Variants in PDCD11 observed in about 807,000 individuals in gnomAD.
PDCD11 encodes the protein programmed cell death 11, also known as protein RRP5 homolog.
A neutral mutation model predicts 198.9 loss-of-function variants in PDCD11; 97 were observed. The observed-to-expected ratio is 0.49, with a 90% confidence interval of 0.41 to 0.58. PDCD11 has a LOEUF of 0.58. Among genes scored for constraint, PDCD11 ranks in the 20% least tolerant of loss-of-function variants. PDCD11 has a pLI of 0.00. For missense variants in PDCD11, 2,102 were observed against 2,312.7 expected (o/e 0.91, Z 1.87); for synonymous variants, 893 against 918.0 (o/e 0.97, Z 0.49).
rs751777005 is a variant in PDCD11, at chr10:103,418,544, C to T, written c.2016C>T (p.His672=). The T allele has an allele frequency of 1.2e-5, 19 of 1,614,052 alleles. No homozygotes were observed. Among genetic ancestry groups the T allele is most frequent in the African/African-American group, 4.0e-5 (3 of 74,926 alleles). Residue 672 remains histidine (H), a synonymous_variant, in exon 15 of 36, where the codon CAC becomes CAT. Transcript: ENST00000369797. ...AFLPTSHLSD[H]VANGPLLHHW... is the part of the protein sequence containing the mutation. ...TCCCCACATCTCATCTGTCGGACCA[C>T]GTTGCCAACGGCCCATTGTTACATC...
At chr10:103,424,466 G>A (rs1304102224) in intron 19 of PDCD11, among the ~76,000 whole-genome samples, 1 of 152,174 alleles carries the variant, frequency 6.6e-6, no homozygotes, top group Non-Finnish European at 1.5e-5. Context: ...ATCACCTAAG[G>A]GAAGCTTGGG....
chr10:103,440,253 T>C (rs2032322041), intron 28 of PDCD11, 37 bp from the exon 29 acceptor site: 33 of 1,573,838 alleles, frequency 2.1e-5, no homozygotes, highest in Non-Finnish European at 2.8e-5. Flanking sequence ...CTCTGCTTTT[T>C]ATGATGTCTT....
At position 103,443,243 on chromosome 10, in the gene PDCD11, C is replaced by T; in HGVS notation, c.5034C>T (p.Thr1678=). The stretch of plus-strand genomic sequence containing the variant: ...TGTACGGCTCTCAGGAGTCCCTGAC[C>T]AAGGTCTTTGAGCGAGCCGTGCAGT... ...ENMYGSQESL[T]KVFERAVQYN... is the part of the protein sequence containing the mutation. The change falls in exon 33 of 36, where the codon ACC becomes ACT. Residue 1678 remains threonine (T), a synonymous_variant. Transcript: ENST00000369797. 1 of 1,612,920 alleles carries T rather than the reference C, an allele frequency of 6.2e-7. No homozygotes were observed. The highest frequency in any genetic ancestry group is 8.5e-7 in the Non-Finnish European group (1 of 1,179,032).
Position 103,432,120 on chromosome 10 carries a change from T to C in PDCD11, c.3369-9T>C. 6.2e-7 allele frequency: 1 copy of C among 1,605,104 alleles called. No homozygotes were observed. Among genetic ancestry groups the C allele is most frequent in the South Asian group, 1.1e-5 (1 of 90,894 alleles). The stretch of plus-strand genomic sequence containing the variant: ...GGGTTTACTGTTTACATTTCCTTTC[T>C]GCAAACAGTGAGCTGGAGGATGGCC... On this transcript the variant is annotated splice_polypyrimidine_tract_variant and intron_variant, in intron 21 of 35. Coordinates refer to ENST00000369797, the MANE Select transcript of PDCD11 (RefSeq NM_014976.2).
At chr10:103,416,370 AAGCTAT>A in intron 12 of PDCD11, 115 bp from the exon 13 acceptor site, 1 of 904,234 alleles carries the variant, frequency 1.1e-6, no homozygotes, top group Non-Finnish European at 1.7e-6. Context: ...ATTAGAGGAA[AAGCTAT>A]AGCAGGTTCT....
At chr10:103,429,111 C>T (rs61871171) in intron 21 of PDCD11, among the ~76,000 whole-genome samples, 1,682 of 152,244 alleles carry the variant, frequency 0.011, 17 homozygotes, top group Non-Finnish European at 0.013. Context: ...ATGGGGATCT[C>T]GTTCACAAAG....
intron 8 of PDCD11, among the ~76,000 whole-genome samples, chr10:103,411,262 T>C (rs1185717035): frequency 6.6e-6 from 1 of 152,116 alleles, no homozygotes; most frequent in African/African-American, 2.4e-5. Flanking sequence ...ACATGGATAT[T>C]TGGGAAGAAA....
Position 103,417,927 on chromosome 10 carries a change from G to C in PDCD11, c.1906G>C (p.Gly636Arg). 6.2e-7 allele frequency: 1 copy of C among 1,614,094 alleles called. No individual in the cohort carries two copies. Among genetic ancestry groups the C allele is most frequent in the East Asian group, 2.2e-5 (1 of 44,892 alleles). ...SQKKGKAINI[G>R]QLVDVKVLEK... ...GAAGAAAGGAAAAGCCATTAACATT[G>C]GGCAGGTACGTGGACTTCTCTGGAC... Residue 636 changes from glycine to arginine, a missense_variant, in exon 14 of 36, where the codon GGG becomes CGG. Transcript: ENST00000369797.
In PDCD11 at chr10:103,403,183, T is replaced by C; in HGVS notation, c.300T>C (p.Ile100=). Residue 100 remains isoleucine (I), a synonymous_variant, in exon 4 of 36, where the codon ATT becomes ATC. Transcript: ENST00000369797. ...VKEVNELELV[I]SLPNGLQGFV... ...AGGTGAATGAACTGGAACTGGTGATTAGTCTCCCCAATGGCCTCCAGGGCT... is the reference window on the plus strand; with the variant it reads ...AGGTGAATGAACTGGAACTGGTGATCAGTCTCCCCAATGGCCTCCAGGGCT... 1 of 1,614,106 alleles carries C rather than the reference T, an allele frequency of 6.2e-7. No homozygotes were observed. The highest frequency in any genetic ancestry group is 8.5e-7 in the Non-Finnish European group (1 of 1,179,946).
At chr10:103,402,348 C>T (rs950438964) in intron 3 of PDCD11, among the ~76,000 whole-genome samples, 29 of 152,144 alleles carry the variant, frequency 1.9e-4, no homozygotes, top group African/African-American at 6.0e-4. Flanking sequence ...TTACAGTGCT[C>T]GGTCAGATAT....
At chr10:103,397,868 T>A (rs1034017757) in intron 1 of PDCD11, among the ~76,000 whole-genome samples, 6 of 152,238 alleles carry the variant, frequency 3.9e-5, no homozygotes, top group African/African-American at 1.4e-4. Context: ...AATAATAGGC[T>A]TTTCCCATCC....
Position 103,403,244 on chromosome 10 carries a change from A to G in PDCD11, c.361A>G (p.Lys121Glu). 6.2e-7 allele frequency: 1 copy of G among 1,614,068 alleles called. No homozygotes were observed. Among genetic ancestry groups the G allele is most frequent in the Admixed American group, 1.7e-5 (1 of 60,000 alleles). ...QVTEICDAYT[K>E]KLNEQVTQEQ... ...CACTGAAATCTGTGATGCCTACACC[A>G]AAAAGCTGAATGAGCAGGTGACACA... The change falls in exon 4 of 36, where the codon AAA becomes GAA. Residue 121 changes from lysine to glutamate, a missense_variant. Transcript: ENST00000369797.
rs764226475 is a variant in PDCD11 at position 103,434,270 on chromosome 10, A to G, written c.3587A>G (p.Lys1196Arg). 2 of 1,613,402 alleles carry G rather than the reference A, an allele frequency of 1.2e-6. No individual in the cohort carries two copies. The highest frequency in any genetic ancestry group is 3.3e-5 in the Admixed American group (2 of 60,026). ...SFKVLKHPDK[K>R]FRVGQALRAT... Reference sequence around the variant, plus strand: ...CAGGTTCTGAAGCATCCAGATAAGAAGTTCCGGGTTGGCCAGGCCCTGAGG... The same window carrying G: ...CAGGTTCTGAAGCATCCAGATAAGAGGTTCCGGGTTGGCCAGGCCCTGAGG... The change falls in exon 24 of 36, where the codon AAG (lysine) becomes AGG (arginine). Residue 1196 changes from lysine (K) to arginine (R), a missense_variant. Lys to Arg is a conservative substitution (Grantham distance 26). Coordinates refer to ENST00000369797, the MANE Select transcript of PDCD11 (RefSeq NM_014976.2).
intron 5 of PDCD11, 47 bp from the exon 6 acceptor site, chr10:103,405,938 C>A: frequency 6.2e-7 from 1 of 1,602,380 alleles, no homozygotes; most frequent in South Asian, 1.1e-5. Flanking sequence ...TGTGTGTGTC[C>A]CATTACCTTT....
chr10:103,437,272 G>T (rs556725621), intron 25 of PDCD11, among the ~76,000 whole-genome samples: 4 of 152,162 alleles, frequency 2.6e-5, no homozygotes, highest in African/African-American at 7.2e-5. Flanking sequence ...CTCCCAAGTG[G>T]CTGGGACTAC....
chr10:103,412,707 G>C (rs1220633351), intron 8 of PDCD11, among the ~76,000 whole-genome samples: 1 of 152,076 alleles, frequency 6.6e-6, no homozygotes, highest in Non-Finnish European at 1.5e-5. Context: ...CAAGTGATCT[G>C]CCCACCTCAG....
At position 103,434,952 on chromosome 10, in the gene PDCD11, C is replaced by T; in HGVS notation, c.3822C>T (p.Asp1274=). The change falls in exon 25 of 36, where the codon GAC becomes GAT. Residue 1274 remains aspartate, a synonymous_variant. Transcript: ENST00000369797. The part of the protein sequence containing the change: ...SDSYSETPLE[D]FVPQKVVRCY... ...CCTACTCCGAGACGCCCCTGGAAGA[C>T]TTCGTCCCCCAGAAGGTTGTCAGGT... 1.9e-6 allele frequency: 3 copies of T among 1,579,150 alleles called. No homozygotes were observed. The highest frequency in any genetic ancestry group is 2.6e-6 in the Non-Finnish European group (3 of 1,162,030).
chr10:103,412,513 GGT>G (rs1235130154), intron 8 of PDCD11, among the ~76,000 whole-genome samples: 6 of 152,128 alleles, frequency 3.9e-5, no homozygotes, highest in Admixed American at 2.0e-4. Context: ...GTAGAGACGG[GGT>G]TTCACTGTGT....
At chr10:103,403,532 T>C (rs1024029697) in intron 4 of PDCD11, among the ~76,000 whole-genome samples, 3 of 152,124 alleles carry the variant, frequency 2.0e-5, no homozygotes, top group Non-Finnish European at 4.4e-5. Context: ...CAATGTAATA[T>C]ATAACAGAGA....
Sources: allele counts gnomAD v4.1 joint callset (sites outside exome capture counted in the v4.1 genomes callset), GRCh38; gene constraint gnomAD v4.1.1; transcripts MANE v1.5; gene names NCBI Gene and HGNC (gene_info 2026-07-23, HGNC 2026-07-21).